NOTCH2NLR: variants seen among roughly 807,000 people sequenced by gnomAD.
The protein encoded by NOTCH2NLR is notch 2 N-terminal like R (pseudogene).
A neutral mutation model predicts 35.6 loss-of-function variants in NOTCH2NLR; 33 were observed. The ratio of observed to expected loss-of-function variants is 0.93; its 90% confidence interval spans 0.70 to 1.24. The LOEUF (loss-of-function observed/expected upper bound fraction) is 1.24. Ranked by LOEUF, NOTCH2NLR falls within the 50% of genes most tolerant of loss-of-function variation. The pLI, the probability that NOTCH2NLR is intolerant of heterozygous loss-of-function variation, is 0.00. For synonymous variants in NOTCH2NLR, 103 were observed against 141.0 expected (o/e 0.73, Z 1.91); for missense variants, 276 against 362.2 (o/e 0.76, Z 1.93).
chr1:120,750,716 G>T (rs1230504371), intron 1 of NOTCH2NLR, among the ~76,000 whole-genome samples: 2 of 112,922 alleles, frequency 1.8e-5, no homozygotes, highest in Non-Finnish European at 3.3e-5. Context: ...TTCCGTGGAG[G>T]TGGGTGGGCA....
At chr1:120,724,475 G>T (rs1175153737) in intron 1 of NOTCH2NLR, among the ~76,000 whole-genome samples, 1 of 121,346 alleles carries the variant, frequency 8.2e-6, no homozygotes, top group East Asian at 2.1e-4. Flanking sequence ...CCGCGGCCCG[G>T]GACCCCTCAC....
intron 1 of NOTCH2NLR, among the ~76,000 whole-genome samples, chr1:120,737,697 C>G (rs1249663545): frequency 0.067 from 8,064 of 119,520 alleles, 2,329 homozygotes; most frequent in African/African-American, 0.24. Flanking sequence ...CTTCTTTGTA[C>G]TAGTTGAGAC....
chr1:120,790,010 C>CTTTT (rs1174501165), intron 3 of NOTCH2NLR, among the ~76,000 whole-genome samples: 10 of 34,962 alleles, frequency 2.9e-4, no homozygotes, highest in Non-Finnish European at 5.0e-4. Flanking sequence ...TTCTGATCAC[C>CTTTT]TTTTTTTTTT....
chr1:120,785,070 G>T lies in NOTCH2NLR; in HGVS notation c.252G>T (p.Met84Ile). The T allele has an allele frequency of 3.5e-6, 5 of 1,446,144 alleles. 1 individual carries two copies. Among genetic ancestry groups the T allele is most frequent in the Non-Finnish European group, 4.6e-6 (5 of 1,082,238 alleles). The allele number at this position is 1,446,144 out of a possible 1,614,324, so 89.6% of individuals were successfully genotyped here. A position where few individuals can be genotyped will look rare whatever the true frequency, so the allele number is the denominator to read the frequency against. The change falls in exon 3 of 5, where the codon ATG becomes ATT. Residue 84 changes from methionine (M) to isoleucine (I), a missense_variant. Physicochemically the swap from Met to Ile is conservative, Grantham distance 10. Coordinates refer to ENST00000624419, the Ensembl canonical transcript of NOTCH2NLR. The stretch of plus-strand genomic sequence containing the variant: ...GTGGGACTTGTGTGGCCCAGGCCAT[G>T]CTGGGGAAAGCCACGTGCCGGTGTG...
rs1296599893 is a variant in NOTCH2NLR, at chr1:120,745,144, A to C, written c.74-18484A>C. ...CCAAAAAAAAAAAAACAAAAAAAAA[A>C]CAAAAAAAAGTGGTATTGGGCCTGT... On this transcript the variant is annotated intron_variant, in intron 1 of 4. Coordinates refer to ENST00000624419, the Ensembl canonical transcript of NOTCH2NLR. 4.3e-4 allele frequency among the ~76,000 whole-genome samples: 43 copies of C among 101,116 alleles called. 9 individuals are homozygous for C. The East Asian group carries it at 5.9e-3, about 14-fold the overall frequency. 66.3% of individuals were successfully genotyped at this position (101,116 alleles called of 152,430 possible).
chr1:120,781,846 C>G (rs1651365485), intron 2 of NOTCH2NLR, among the ~76,000 whole-genome samples: 1 of 117,616 alleles, frequency 8.5e-6, no homozygotes, highest in South Asian at 2.5e-4. Flanking sequence ...GTGTGAGCCA[C>G]CGCACCTGGC....
Position 120,764,781 on chromosome 1 carries a change from G to T in NOTCH2NLR, c.155+1072G>T, listed in dbSNP as rs1352170705. On this transcript the variant is annotated intron_variant, in intron 2 of 4. Transcript: ENST00000624419. Reference sequence around the variant, plus strand: ...TTTTTATTTCAGGGAAGATGCTGGAGAAATAAAATTTGGTAATATGAAATT... The same window carrying T: ...TTTTTATTTCAGGGAAGATGCTGGATAAATAAAATTTGGTAATATGAAATT... 8.4e-5 allele frequency among the ~76,000 whole-genome samples: 9 copies of T among 106,716 alleles called. 1 individual carries two copies. Among genetic ancestry groups the T allele is most frequent in the Admixed American group, 4.5e-4 (5 of 11,016 alleles). 70.0% of individuals were successfully genotyped at this position (106,716 alleles called of 152,430 possible). A position where few individuals can be genotyped will look rare whatever the true frequency, so the allele number is the denominator to read the frequency against.
At position 120,730,625 on chromosome 1, in the gene NOTCH2NLR, G is replaced by A. The variant is rs1442065699; in HGVS notation, c.73+6375G>A. Among the ~76,000 whole-genome samples the A allele has an allele frequency of 5.2e-5, 6 of 114,518 alleles. 2 individuals carry two copies. The highest frequency in any genetic ancestry group is 9.9e-5 in the Non-Finnish European group (6 of 60,386). 75.1% of individuals were successfully genotyped at this position (114,518 alleles called of 152,430 possible). A position where few individuals can be genotyped will look rare whatever the true frequency, so the allele number is the denominator to read the frequency against. On this transcript the variant is annotated intron_variant, in intron 1 of 4. Coordinates refer to ENST00000624419, the Ensembl canonical transcript of NOTCH2NLR. ...TTTTGGAGGAGAATATTATCTGTGT[G>A]GCAGAACATACATTGTGGTCTTAAA...
chr1:120,759,733 T>C (rs1271339121), intron 1 of NOTCH2NLR, among the ~76,000 whole-genome samples: 1 of 114,100 alleles, frequency 8.8e-6, no homozygotes, highest in Non-Finnish European at 1.7e-5. Flanking sequence ...TATAGTTGTA[T>C]ACATTTATAG....
intron 1 of NOTCH2NLR, among the ~76,000 whole-genome samples, chr1:120,760,167 A>G (rs1651118644): frequency 1.8e-5 from 1 of 54,632 alleles, no homozygotes; most frequent in East Asian, 3.2e-4. Flanking sequence ...TCCATTGTAT[A>G]TATCTACCAC....
At chr1:120,792,854 G>C (rs1651508125) in intron 3 of NOTCH2NLR, among the ~76,000 whole-genome samples, 1 of 66,516 alleles carries the variant, frequency 1.5e-5, no homozygotes, top group South Asian at 3.7e-4. Flanking sequence ...AGCTCTGAGA[G>C]AGTAGATGGA....
intron 1 of NOTCH2NLR, among the ~76,000 whole-genome samples, chr1:120,733,100 T>A (rs1321018406): frequency 3.6e-5 from 3 of 82,380 alleles, no homozygotes; most frequent in African/African-American, 2.9e-4. Context: ...TTAGAAAAGC[T>A]GTTGATTTAT....
At position 120,724,164 on chromosome 1, in the gene NOTCH2NLR, A is replaced by C. The variant is rs1650787284; in HGVS notation, c.-14A>C. On this transcript the variant is annotated 5_prime_UTR_variant, in exon 1 of 5. Transcript: ENST00000624419. ...GCGGCGGCGGCGGAGGAGGAGGAGG[A>C]GGCGACCGAGAAGATGCCCGCCCTG... 86 of 1,380,186 alleles carry C rather than the reference A, an allele frequency of 6.2e-5. 21 individuals carry two copies. Among genetic ancestry groups the C allele is most frequent in the South Asian group, 3.3e-4 (25 of 76,022 alleles). The allele number at this position is 1,380,186 out of a possible 1,614,324, so 85.5% of individuals were successfully genotyped here. A position where few individuals can be genotyped will look rare whatever the true frequency, so the allele number is the denominator to read the frequency against.
intron 2 of NOTCH2NLR, among the ~76,000 whole-genome samples, chr1:120,779,637 G>T (rs1164101114): frequency 1.6e-5 from 2 of 121,786 alleles, no homozygotes; most frequent in Non-Finnish European, 3.3e-5. Flanking sequence ...TAGTTCAAGT[G>T]GTAGACTATT....
downstream of NOTCH2NLR, among the ~76,000 whole-genome samples, chr1:120,794,150 T>C (rs1361872505): frequency 6.1e-5 from 7 of 114,768 alleles, 1 homozygote; most frequent in South Asian, 7.6e-4. Flanking sequence ...AGAGACTATG[T>C]GTGGCACAAT....
intron 1 of NOTCH2NLR, among the ~76,000 whole-genome samples, chr1:120,724,687 C>T (rs1650798104): frequency 8.0e-6 from 1 of 124,608 alleles, no homozygotes; most frequent in Non-Finnish European, 1.6e-5. Context: ...GCCGCCAAGC[C>T]AAACGGCCTG....
chr1:120,784,300 A>G (rs1371935349), intron 2 of NOTCH2NLR, among the ~76,000 whole-genome samples: 1 of 117,534 alleles, frequency 8.5e-6, no homozygotes, highest in Non-Finnish European at 1.6e-5. Flanking sequence ...GTTGTACCTC[A>G]TATGTAAGTA....
chr1:120,791,771 G>A (rs1173214420), intron 3 of NOTCH2NLR, among the ~76,000 whole-genome samples: 8 of 73,928 alleles, frequency 1.1e-4, no homozygotes, highest in Non-Finnish European at 1.4e-4. Context: ...TGTTGTGCAC[G>A]TGTACCCTAG....
chr1:120,727,418 A>G lies in NOTCH2NLR; in HGVS notation c.73+3168A>G, dbSNP rs1474055101. Among the ~76,000 whole-genome samples, 38 of 116,946 alleles carry G rather than the reference A, an allele frequency of 3.2e-4. 5 individuals are homozygous for G. Among genetic ancestry groups the G allele is most frequent in the African/African-American group, 1.5e-3 (30 of 19,860 alleles). 76.7% of individuals were successfully genotyped at this position (116,946 alleles called of 152,430 possible). A position where few individuals can be genotyped will look rare whatever the true frequency, so the allele number is the denominator to read the frequency against. Reference sequence around the variant, plus strand: ...ACTCAAGAATTTTAAAATTGCTAACATAAGAGATATAGAATATAATGTCAT... The same window carrying G: ...ACTCAAGAATTTTAAAATTGCTAACGTAAGAGATATAGAATATAATGTCAT... On this transcript the variant is annotated intron_variant, in intron 1 of 4. Coordinates refer to ENST00000624419, the Ensembl canonical transcript of NOTCH2NLR.
Sources: gnomAD v4.1 joint callset for allele counts (sites outside exome capture counted in the v4.1 genomes callset) on GRCh38, gnomAD v4.1.1 for gene constraint, MANE v1.5 for transcripts, NCBI Gene and HGNC (gene_info 2026-07-23, HGNC 2026-07-21) for gene names.